The following FHIT variants were observed in gnomAD, a reference collection of about 807,000 sequenced individuals.
FHIT encodes bis(5'-adenosyl)-triphosphatase.
In FHIT, 19 loss-of-function variants were observed where a neutral mutation model predicts 17.9. That is an observed-to-expected ratio of 1.06 (90% confidence interval 0.74 to 1.56). The LOEUF (loss-of-function observed/expected upper bound fraction) is 1.56. FHIT is among the 40% of genes most tolerant of loss of function. The pLI is 0.00. For missense variants in FHIT, 248 were observed against 189.2 expected (o/e 1.31, Z -1.82); for synonymous variants, 81 against 69.7 (o/e 1.16, Z -0.81).
At chr3:60,486,728 CAA>C (rs1474145305) in intron 5 of FHIT, among the ~76,000 whole-genome samples, 3 of 152,126 alleles carry the variant, frequency 2.0e-5, no homozygotes, top group African/African-American at 7.2e-5. Context: ...TTCTCCTTAT[CAA>C]AAAGACATGT....
intron 3 of FHIT, among the ~76,000 whole-genome samples, chr3:60,836,394 T>C (rs1438947294): frequency 6.6e-6 from 1 of 152,198 alleles, no homozygotes; most frequent in Non-Finnish European, 1.5e-5. Flanking sequence ...AGTGAGGCCA[T>C]CTGGGCCTAA....
intron 5 of FHIT, among the ~76,000 whole-genome samples, chr3:60,333,886 A>G (rs1405703940): frequency 1.3e-5 from 2 of 152,162 alleles, no homozygotes; most frequent in South Asian, 2.1e-4. Flanking sequence ...ACCCATCATG[A>G]TTGCCTAACA....
At chr3:60,173,915 A>ATATATTTTTTTTTTTT in intron 5 of FHIT, among the ~76,000 whole-genome samples, 1 of 66,444 alleles carries the variant, frequency 1.5e-5, no homozygotes, top group Non-Finnish European at 2.8e-5. Context: ...ATATATATAT[A>ATATATTTTTTTTTTTT]TGTTTTTTTT....
chr3:60,675,018 C>A (rs1211154169), intron 4 of FHIT, among the ~76,000 whole-genome samples: 2 of 152,206 alleles, frequency 1.3e-5, no homozygotes, highest in Non-Finnish European at 2.9e-5. Flanking sequence ...TGCTTGGCCC[C>A]ACCTCCTTAC....
intron 5 of FHIT, among the ~76,000 whole-genome samples, chr3:60,038,279 C>A (rs1266209404): frequency 1.3e-5 from 2 of 152,092 alleles, no homozygotes; most frequent in Non-Finnish European, 1.5e-5. Flanking sequence ...CTTGATTCAA[C>A]AGACTATAGT....
At chr3:60,129,042 C>CCTT (rs1553692314) in intron 5 of FHIT, among the ~76,000 whole-genome samples, 2 of 113,012 alleles carry the variant, frequency 1.8e-5, no homozygotes, top group African/African-American at 6.8e-5. Context: ...TTCTTCTTTC[C>CCTT]TTTTTTGTTT....
At chr3:59,871,738 A>C (rs1354002858) in intron 8 of FHIT, among the ~76,000 whole-genome samples, 1 of 152,238 alleles carries the variant, frequency 6.6e-6, no homozygotes, top group East Asian at 1.9e-4. Flanking sequence ...ACCCTTGGAT[A>C]GATTCCAATC....
At chr3:60,440,498 C>T (rs1007481492) in intron 5 of FHIT, among the ~76,000 whole-genome samples, 1 of 152,094 alleles carries the variant, frequency 6.6e-6, no homozygotes, top group Non-Finnish European at 1.5e-5. Context: ...CCAGGTCCTA[C>T]GCCTGTAACT....
chr3:61,192,346 G>C (rs901251801), intron 2 of FHIT, among the ~76,000 whole-genome samples: 2 of 152,202 alleles, frequency 1.3e-5, no homozygotes, highest in Non-Finnish European at 2.9e-5. Context: ...AATTGACAGT[G>C]CTTAGCAATC....
At chr3:60,147,717 G>A (rs980896736) in intron 5 of FHIT, among the ~76,000 whole-genome samples, 1 of 152,190 alleles carries the variant, frequency 6.6e-6, no homozygotes, top group Non-Finnish European at 1.5e-5. Flanking sequence ...AAGGAGTTGA[G>A]TTAGGCTATC....
chr3:61,247,352 T>TC (rs2040512104), intron 1 of FHIT, among the ~76,000 whole-genome samples: 1 of 152,096 alleles, frequency 6.6e-6, no homozygotes, highest in African/African-American at 2.4e-5. Flanking sequence ...CACTGCCACA[T>TC]CCCCACGGTC....
At chr3:60,047,805 G>A (rs1195992268) in intron 5 of FHIT, among the ~76,000 whole-genome samples, 2 of 152,114 alleles carry the variant, frequency 1.3e-5, no homozygotes, top group African/African-American at 2.4e-5. Flanking sequence ...AGCCAGTAAC[G>A]AGCAGACTAG....
intron 3 of FHIT, among the ~76,000 whole-genome samples, chr3:61,008,813 T>C (rs1472173714): frequency 6.6e-6 from 1 of 152,176 alleles, no homozygotes; most frequent in East Asian, 1.9e-4. Context: ...GTTCCCTCCA[T>C]AGTGCATTCT....
At chr3:60,839,146 C>T (rs531452631) in intron 3 of FHIT, among the ~76,000 whole-genome samples, 1 of 152,084 alleles carries the variant, frequency 6.6e-6, no homozygotes, top group African/African-American at 2.4e-5. Flanking sequence ...TCCTGTGTAC[C>T]ACGAGGAGCT....
chr3:60,747,612 A>G (rs1303557491), intron 4 of FHIT, among the ~76,000 whole-genome samples: 1 of 152,236 alleles, frequency 6.6e-6, no homozygotes, highest in Non-Finnish European at 1.5e-5. Context: ...AAAATTAAAT[A>G]AATCTGTTAT....
rs376361524 is a variant in FHIT, at chr3:60,146,034, A to G, written c.104-131882T>C. On this transcript the variant is annotated intron_variant, in intron 5 of 9. Transcript: ENST00000492590. ...TGTATTGGTTTCCTCATATTTTCTA[A>G]TCTACACCATAAAGGGAAGATGTTT... Among the ~76,000 whole-genome samples the G allele has an allele frequency of 2.0e-5, 3 of 152,168 alleles. No homozygotes were observed. The East Asian group carries it at 5.8e-4, about 29-fold the overall frequency.
chr3:61,084,613 C>T (rs1160497621), intron 2 of FHIT, among the ~76,000 whole-genome samples: 2 of 151,948 alleles, frequency 1.3e-5, no homozygotes, highest in Non-Finnish European at 2.9e-5. Flanking sequence ...AGATATATTC[C>T]TATGTTTTTA....
chr3:60,412,322 T>C (rs890568533), intron 5 of FHIT, among the ~76,000 whole-genome samples: 5 of 152,104 alleles, frequency 3.3e-5, no homozygotes, highest in East Asian at 1.9e-4. Flanking sequence ...GCGTTCCTCA[T>C]AGTCCATTAG....
chr3:60,601,251 C>A (rs1184417599), intron 4 of FHIT, among the ~76,000 whole-genome samples: 5 of 152,196 alleles, frequency 3.3e-5, no homozygotes, highest in Non-Finnish European at 5.9e-5. Context: ...CCTCACCCTC[C>A]ACATTTCCTA....
Sources: allele counts gnomAD v4.1 joint callset (sites outside exome capture counted in the v4.1 genomes callset), GRCh38; gene constraint gnomAD v4.1.1; transcripts MANE v1.5; gene names NCBI Gene and HGNC (gene_info 2026-07-23, HGNC 2026-07-21).